DLG2: variants seen among roughly 807,000 people sequenced by gnomAD.
The protein encoded by DLG2 is discs large MAGUK scaffold protein 2, also known as disks large homolog 2.
In DLG2, 45 loss-of-function variants were observed where a neutral mutation model predicts 132.5. That is an observed-to-expected ratio of 0.34 (90% confidence interval 0.27 to 0.44). The LOEUF (loss-of-function observed/expected upper bound fraction) is 0.44. DLG2 is among the 20% of genes least tolerant of loss of function. The pLI is 1.00. For missense variants in DLG2, 1,045 were observed against 1,196.9 expected (o/e 0.87, Z 1.87); for synonymous variants, 424 against 419.6 (o/e 1.01, Z -0.13).
chr11:83,616,900 T>G (rs1172972276), intron 19 of DLG2, among the ~76,000 whole-genome samples: 1 of 152,182 alleles, frequency 6.6e-6, no homozygotes, highest in Non-Finnish European at 1.5e-5. Context: ...ACTAAAAAGA[T>G]CATCCTTTTC....
chr11:85,403,821 A>G (rs1157756485), intron 3 of DLG2, among the ~76,000 whole-genome samples: 1 of 152,050 alleles, frequency 6.6e-6, no homozygotes, highest in East Asian at 1.9e-4. Context: ...CAAAAGTGGT[A>G]AGCTGTTGTA....
At chr11:83,546,613 A>C (rs1223815081) in intron 19 of DLG2, among the ~76,000 whole-genome samples, 1 of 152,128 alleles carries the variant, frequency 6.6e-6, no homozygotes, top group Non-Finnish European at 1.5e-5. Flanking sequence ...AAAGAGCTGA[A>C]ATGAAAATAA....
At chr11:83,503,452 T>C (rs12789798) in intron 21 of DLG2, among the ~76,000 whole-genome samples, 43,203 of 133,740 alleles carry the variant, frequency 0.32, 8,019 homozygotes, top group Middle Eastern at 0.39. Context: ...TATATATTTA[T>C]ACACACACAC....
chr11:83,791,088 G>A (rs1225383176), intron 17 of DLG2: 4 of 684,154 alleles, frequency 5.8e-6, no homozygotes, highest in South Asian at 3.6e-5. Context: ...GGGTGGACTC[G>A]GACTGGAAGA....
rs566845300 is a variant in DLG2, at chr11:83,465,980, C to T, written c.2729+728G>A. Among the ~76,000 whole-genome samples the T allele has an allele frequency of 1.1e-3, 172 of 152,220 alleles. 1 individual carries two copies. In the Middle Eastern group the frequency reaches 0.014, roughly 12 times the overall value. ...GCCTATACTGACTTTACAGTCAGAT[C>T]GTGAATGTCTGCCCACTTTGTTTAA... is the stretch of plus-strand genomic sequence containing the variant. On this transcript the variant is annotated intron_variant, in intron 26 of 27. Transcript: ENST00000376104.
At chr11:83,823,084 TAATGCA>T (rs1208497960) in intron 17 of DLG2, among the ~76,000 whole-genome samples, 2 of 152,156 alleles carry the variant, frequency 1.3e-5, no homozygotes, top group Non-Finnish European at 2.9e-5. Context: ...ATATATATGG[TAATGCA>T]AATCTAAGGG....
chr11:85,238,739 A>AT (rs2152669577), intron 4 of DLG2, among the ~76,000 whole-genome samples: 1 of 152,094 alleles, frequency 6.6e-6, no homozygotes, highest in African/African-American at 2.4e-5. Context: ...TAAAAGCTGC[A>AT]TTTTCAATAA....
intron 8 of DLG2, among the ~76,000 whole-genome samples, chr11:84,208,951 A>G (rs372739057): frequency 6.6e-5 from 10 of 152,232 alleles, no homozygotes; most frequent in African/African-American, 2.2e-4. Context: ...AGAGACATCA[A>G]TATGAACTCA....
chr11:84,918,979 C>T (rs1430876263), intron 6 of DLG2, among the ~76,000 whole-genome samples: 1 of 152,166 alleles, frequency 6.6e-6, no homozygotes, highest in Admixed American at 6.5e-5. Flanking sequence ...ACAACTAGAA[C>T]TCCAGGTTCC....
chr11:84,828,576 A>C (rs2078631346), intron 6 of DLG2, among the ~76,000 whole-genome samples: 1 of 151,726 alleles, frequency 6.6e-6, no homozygotes, highest in South Asian at 2.1e-4. Flanking sequence ...TACCACCTAT[A>C]CTCATCTCCT....
At chr11:84,294,889 C>T (rs879700415) in intron 7 of DLG2, among the ~76,000 whole-genome samples, 1 of 151,786 alleles carries the variant, frequency 6.6e-6, no homozygotes, top group Non-Finnish European at 1.5e-5. Context: ...ACACATTTAC[C>T]CCAATAAAAT....
Position 85,478,655 on chromosome 11 carries a change from A to T in DLG2, c.40+120002T>A, listed in dbSNP as rs77936230. 4.1e-3 allele frequency among the ~76,000 whole-genome samples: 626 copies of T among 152,252 alleles called. 4 individuals are homozygous for T. The highest frequency in any genetic ancestry group is 0.014 in the African/African-American group (601 of 41,552). On this transcript the variant is annotated intron_variant, in intron 3 of 27. Transcript: ENST00000376104. ...ATTTGTAAAATACAGATAATTAACA[A>T]CTGCCTCCCATTGTTGTTAGGATTT...
At chr11:84,238,002 C>T (rs981799314) in intron 8 of DLG2, among the ~76,000 whole-genome samples, 1 of 139,280 alleles carries the variant, frequency 7.2e-6, no homozygotes, top group Non-Finnish European at 1.5e-5. Context: ...AGAGATCACA[C>T]CACTGCACTC....
At chr11:85,221,090 T>A (rs1039735374) in intron 4 of DLG2, among the ~76,000 whole-genome samples, 26 of 151,816 alleles carry the variant, frequency 1.7e-4, no homozygotes, top group African/African-American at 6.0e-4. Context: ...TCGCCCAGGC[T>A]GGAGTACAGT....
At chr11:84,266,927 T>C (rs1214755630) in intron 7 of DLG2, among the ~76,000 whole-genome samples, 4 of 152,128 alleles carry the variant, frequency 2.6e-5, no homozygotes, top group African/African-American at 7.2e-5. Context: ...CTGCAGAAAG[T>C]AGGAAGAGGA....
intron 20 of DLG2, among the ~76,000 whole-genome samples, chr11:83,537,739 C>T (rs975236770): frequency 7.7e-6 from 1 of 130,354 alleles, no homozygotes; most frequent in Non-Finnish European, 1.6e-5. Flanking sequence ...AGCTTGAACC[C>T]GGGAGGTGGA....
intron 11 of DLG2, among the ~76,000 whole-genome samples, 198 bp downstream of exon 11, chr11:84,059,117 T>C (rs1487343730): frequency 6.6e-6 from 1 of 152,152 alleles, no homozygotes; most frequent in African/African-American, 2.4e-5. Flanking sequence ...TACATAAATC[T>C]ACTCTTTCCT....
At chr11:83,640,464 T>G (rs999431040) in intron 18 of DLG2, among the ~76,000 whole-genome samples, 1 of 152,182 alleles carries the variant, frequency 6.6e-6, no homozygotes, top group Non-Finnish European at 1.5e-5. Flanking sequence ...TAGCAGAGCA[T>G]GTAATCACTG....
intron 19 of DLG2, among the ~76,000 whole-genome samples, chr11:83,580,541 G>C (rs1444706447): frequency 6.6e-6 from 1 of 152,048 alleles, no homozygotes; most frequent in Non-Finnish European, 1.5e-5. Flanking sequence ...CAATTGAAAG[G>C]GCTGTCCATA....
Sources: gnomAD v4.1 joint callset for allele counts (sites outside exome capture counted in the v4.1 genomes callset) on GRCh38, gnomAD v4.1.1 for gene constraint, MANE v1.5 for transcripts, NCBI Gene and HGNC (gene_info 2026-07-23, HGNC 2026-07-21) for gene names.